The following EPB41 variants were observed in gnomAD, a reference collection of about 807,000 sequenced individuals.
The protein encoded by EPB41 is erythrocyte membrane protein band 4.1.
Under a neutral mutation model 108.0 loss-of-function variants are expected in EPB41, and 65 were observed. That is an observed-to-expected ratio of 0.60 (90% CI 0.49 to 0.74). The LOEUF (loss-of-function observed/expected upper bound fraction) is 0.74, where lower values mean the gene tolerates loss of function less well. EPB41 is among the 30% of genes least tolerant of loss of function. The pLI is 0.00. For missense variants in EPB41, 875 were observed against 1,037.0 expected (o/e 0.84, Z 2.15); for synonymous variants, 336 against 358.9 (o/e 0.94, Z 0.72).
At chr1:29,082,714 A>G (rs770781911) in intron 16 of EPB41, among the ~76,000 whole-genome samples, 5 of 152,148 alleles carry the variant, frequency 3.3e-5, no homozygotes, top group Non-Finnish European at 5.9e-5. Flanking sequence ...CTGTAGATCT[A>G]TTCAGATTTG....
chr1:29,087,550 C>T (rs1187559799), intron 16 of EPB41, among the ~76,000 whole-genome samples: 10 of 151,810 alleles, frequency 6.6e-5, no homozygotes, highest in South Asian at 4.2e-4. Context: ...ATATTAGAGA[C>T]GGGGTTTCTC....
intron 1 of EPB41, among the ~76,000 whole-genome samples, chr1:28,960,247 G>A (rs2095148476): frequency 6.6e-6 from 1 of 151,494 alleles, no homozygotes; most frequent in Admixed American, 6.6e-5. Context: ...CTGGGCTCAA[G>A]TGATCCACCC....
chr1:29,020,843 G>A (rs1395375364), intron 7 of EPB41, among the ~76,000 whole-genome samples: 1 of 152,018 alleles, frequency 6.6e-6, no homozygotes, highest in Admixed American at 6.6e-5. Context: ...TTTTTTTGTA[G>A]AGATGGTAGT....
intron 1 of EPB41, among the ~76,000 whole-genome samples, chr1:28,968,982 C>CCCA (rs2095429505): frequency 7.3e-6 from 1 of 137,778 alleles, no homozygotes; most frequent in African/African-American, 2.7e-5. Context: ...CCCCACCCCC[C>CCCA]AAAAAAAAAA....
chr1:28,999,095 G>T (rs1022966427), intron 4 of EPB41, among the ~76,000 whole-genome samples: 2 of 152,176 alleles, frequency 1.3e-5, no homozygotes, highest in Non-Finnish European at 2.9e-5. Flanking sequence ...AATTGGCGGG[G>T]TGTGGTGGCT....
chr1:28,907,834 A>C (rs1353633627), intron 1 of EPB41, among the ~76,000 whole-genome samples: 1 of 120,062 alleles, frequency 8.3e-6, no homozygotes, highest in Admixed American at 8.5e-5. Context: ...TTTTTTAAAA[A>C]TTTTAATTTT....
chr1:28,950,224 G>A (rs1329976498), intron 1 of EPB41, among the ~76,000 whole-genome samples: 1 of 152,132 alleles, frequency 6.6e-6, no homozygotes, highest in Non-Finnish European at 1.5e-5. Flanking sequence ...AGATATGATA[G>A]CATTTAATTT....
intron 1 of EPB41, among the ~76,000 whole-genome samples, chr1:28,977,981 C>T (rs987163946): frequency 6.9e-6 from 1 of 144,780 alleles, no homozygotes; most frequent in Admixed American, 6.8e-5. Context: ...AACATAGATG[C>T]AAACTCTCCT....
At chr1:28,993,595 A>C (rs2096075412) in intron 3 of EPB41, 53 bp downstream of exon 3, 3 of 1,536,314 alleles carry the variant, frequency 2.0e-6, no homozygotes, top group Non-Finnish European at 2.7e-6. Flanking sequence ...GGTTTCATCT[A>C]GAGTTGCGTA....
At chr1:29,064,872 C>A in intron 15 of EPB41, 110 bp from the exon 16 acceptor site, 1 of 1,347,488 alleles carries the variant, frequency 7.4e-7, no homozygotes, top group Non-Finnish European at 1.0e-6. Flanking sequence ...TAACATCTGT[C>A]CTGGATGTGG....
chr1:28,947,647 T>C (rs2094538070), intron 1 of EPB41, among the ~76,000 whole-genome samples: 1 of 151,350 alleles, frequency 6.6e-6, no homozygotes. Context: ...GCCAACATGA[T>C]GAAACCTGTC....
At chr1:28,941,511 A>T (rs1385404222) in intron 1 of EPB41, among the ~76,000 whole-genome samples, 1 of 152,238 alleles carries the variant, frequency 6.6e-6, no homozygotes, top group African/African-American at 2.4e-5. Flanking sequence ...GAGTCATAAG[A>T]AATATTTGTC....
rs770764638 is a variant in EPB41, at chr1:28,921,961, T to TATATATATATATATAC, written c.-8+7194_-8+7195insTATATATATATATACA. ...TTTTATATATATATATATATATATA[T>TATATATATATATATAC]ACACTTTTTTTTTGTTTTTTTTTTT... On this transcript the variant is annotated intron_variant, in intron 1 of 20. Coordinates refer to ENST00000343067, the MANE Select transcript of EPB41 (RefSeq NM_001376013.1). Among the ~76,000 whole-genome samples the TATATATATATATATAC allele has an allele frequency of 2.9e-3, 317 of 109,838 alleles. 3 individuals carry two copies. The highest frequency in any genetic ancestry group is 0.024 in the South Asian group (61 of 2,588). The allele number at this position is 109,838 out of a possible 152,430, so 72.1% of individuals were successfully genotyped here. A position where few individuals can be genotyped will look rare whatever the true frequency, so the allele number is the denominator to read the frequency against.
intron 1 of EPB41, among the ~76,000 whole-genome samples, chr1:28,908,978 CAT>C (rs1248392862): frequency 1.3e-5 from 2 of 150,688 alleles, no homozygotes; most frequent in African/African-American, 2.4e-5. Flanking sequence ...GCCTATCCCA[CAT>C]GTCTCTACTA....
At chr1:29,025,972 C>G (rs1184015639) in intron 7 of EPB41, among the ~76,000 whole-genome samples, 1 of 151,986 alleles carries the variant, frequency 6.6e-6, no homozygotes, top group African/African-American at 2.4e-5. Flanking sequence ...GGGGGAAAAG[C>G]CTACACAGGA....
chr1:28,891,094 G>T, intron 1 of EPB41: 1 of 623,602 alleles, frequency 1.6e-6, no homozygotes. Context: ...GCAGCCCCAC[G>T]CAGCTACTGC....
At chr1:28,896,173 T>C (rs2090640247) in intron 1 of EPB41, among the ~76,000 whole-genome samples, 1 of 152,234 alleles carries the variant, frequency 6.6e-6, no homozygotes, top group Non-Finnish European at 1.5e-5. Context: ...CTTAGGCTTC[T>C]TGTGAGGATT....
At chr1:29,049,170 C>G (rs1160791979) in intron 11 of EPB41, among the ~76,000 whole-genome samples, 1 of 152,076 alleles carries the variant, frequency 6.6e-6, no homozygotes, top group African/African-American at 2.4e-5. Context: ...GGTTCAGATC[C>G]CAGTTTTATG....
At chr1:29,061,572 GTTTTTTTTTTTTTTTT>G (rs34413393) in intron 15 of EPB41, among the ~76,000 whole-genome samples, 2 of 64,036 alleles carry the variant, frequency 3.1e-5, no homozygotes, top group African/African-American at 1.2e-4. Flanking sequence ...CCTGGCCTTT[GTTTTTTTTTTTTTTTT>G]TTTTTTTTTT....
Sources: allele counts gnomAD v4.1 joint callset (sites outside exome capture counted in the v4.1 genomes callset), GRCh38; gene constraint gnomAD v4.1.1; transcripts MANE v1.5; gene names NCBI Gene and HGNC (gene_info 2026-07-23, HGNC 2026-07-21).